NPAT: variants seen among roughly 807,000 people sequenced by gnomAD.
NPAT encodes the protein protein NPAT.
NPAT carries 52 observed loss-of-function variants against 130.7 expected under a neutral mutation model. The observed-to-expected ratio is 0.40, with a 90% CI of 0.32 to 0.50. The LOEUF is 0.50. NPAT is among the 20% of genes least tolerant of loss of function. NPAT has a pLI of 0.68. For missense variants in NPAT, 1,687 were observed against 1,662.6 expected, an observed-to-expected ratio of 1.01 and a Z score of -0.26; for synonymous variants, 580 against 584.8, an observed-to-expected ratio of 0.99 and a Z score of 0.12.
Position 108,172,346 on chromosome 11 carries a change from T to A in NPAT, c.2638A>T (p.Thr880Ser). 1 of 1,614,204 alleles carries A rather than the reference T, an allele frequency of 6.2e-7. No individual in the cohort carries two copies. Among genetic ancestry groups the A allele is most frequent in the Admixed American group, 1.7e-5 (1 of 60,020 alleles). ...TCVTDPTALGTSVSQSNVVVL... is the reference protein window; with the variant it reads ...TCVTDPTALGSSVSQSNVVVL... ...ACTACATTAGACTGACTTACAGATG[T>A]TCCTAACGCTGTTGGATCAGTCACA... The change falls in exon 13 of 18, where the codon ACA (threonine) becomes TCA (serine). Residue 880 changes from threonine to serine, a missense_variant. Around this residue, in one of 3 missense-constraint regions of NPAT, gnomAD observed 1,379 missense variants for 1,346.6 expected, o/e 1.02. Coordinates refer to ENST00000278612, the MANE Select transcript of NPAT (RefSeq NM_002519.3).
At chr11:108,175,462 T>A (rs114590656) in intron 12 of NPAT, among the ~76,000 whole-genome samples, 156 of 152,324 alleles carry the variant, frequency 1.0e-3, no homozygotes, top group African/African-American at 3.5e-3. Flanking sequence ...AGAGGCCACA[T>A]AAATTCAGGA....
intron 15 of NPAT, among the ~76,000 whole-genome samples, chr11:108,166,063 G>T (rs532641451): frequency 1.3e-5 from 2 of 152,006 alleles, no homozygotes; most frequent in African/African-American, 4.8e-5. Context: ...AATTATAGGA[G>T]TGGAGCCATT....
Position 108,161,747 on chromosome 11 carries a change from A to G in NPAT, c.3339T>C (p.Asn1113=). Residue 1113 remains asparagine, a synonymous_variant, in exon 17 of 18, where the codon AAT becomes AAC. Transcript: ENST00000278612. ...GCTTCTCTTTCTCTCTTTTGATAGC[A>G]TTATTAGAAGGGGGTTTTAAGGTGG... ...VSSTLKPPSN[N]AIKREKEKPP... 6.2e-7 allele frequency: 1 copy of G among 1,613,786 alleles called. No homozygotes were observed. Among genetic ancestry groups the G allele is most frequent in the Non-Finnish European group, 8.5e-7 (1 of 1,180,042 alleles).
intron 1 of NPAT, among the ~76,000 whole-genome samples, chr11:108,204,355 TA>T (rs1396960918): frequency 7.0e-6 from 1 of 143,636 alleles, no homozygotes; most frequent in Non-Finnish European, 1.5e-5. Context: ...TCTGAGCCCA[TA>T]AAAACCCTGG....
Position 108,173,027 on chromosome 11 carries a change from C to A in NPAT, c.1957G>T (p.Ala653Ser), listed in dbSNP as rs1344865133. 1.9e-6 allele frequency: 3 copies of A among 1,613,772 alleles called. No individual in the cohort carries two copies. The highest frequency in any genetic ancestry group is 2.5e-6 in the Non-Finnish European group (3 of 1,179,800). Residue 653 changes from alanine (A) to serine (S), a missense_variant, in exon 13 of 18, where the codon GCA (alanine) becomes TCA (serine). Physicochemically the swap from Ala to Ser is moderately conservative, Grantham distance 99. Around this residue, in one of 3 missense-constraint regions of NPAT, gnomAD observed 1,379 missense variants for 1,346.6 expected, o/e 1.02. Coordinates refer to ENST00000278612, the MANE Select transcript of NPAT (RefSeq NM_002519.3). ...ELNHTENEAQ[A>S]SKSENSQEPS... ...TCCTGTGAATTCTCAGACTTGGATG[C>A]CTGAGCTTCATTTTCTGTATGATTT...
In NPAT at chr11:108,161,859, G is replaced by T. The variant is rs574403547; in HGVS notation, c.3227C>A (p.Thr1076Lys). The T allele has an allele frequency of 6.2e-7, 1 of 1,613,938 alleles. No individual in the cohort carries two copies. The highest frequency in any genetic ancestry group is 1.7e-5 in the Admixed American group (1 of 59,994). ...FDSTTAPVAN[T>K]QGPNHKMVSQ... ...CACCATCTTATGGTTTGGCCCCTGCGTATTTGCCACAGGAGCAGTAGTGCT... is the reference window on the plus strand; with the variant it reads ...CACCATCTTATGGTTTGGCCCCTGCTTATTTGCCACAGGAGCAGTAGTGCT... Residue 1076 changes from threonine (T) to lysine (K), a missense_variant, in exon 17 of 18, where the codon ACG (threonine) becomes AAG (lysine). Physicochemically the swap from Thr to Lys is moderately conservative, Grantham distance 78. Around this residue, in one of 3 missense-constraint regions of NPAT, gnomAD observed 1,379 missense variants for 1,346.6 expected, o/e 1.02. Coordinates refer to ENST00000278612, the MANE Select transcript of NPAT (RefSeq NM_002519.3).
intron 15 of NPAT, among the ~76,000 whole-genome samples, chr11:108,167,203 A>G (rs1231252969): frequency 6.6e-6 from 1 of 152,112 alleles, no homozygotes; most frequent in Non-Finnish European, 1.5e-5. Context: ...CTCTCTTCAA[A>G]TCTTTACACC....
At chr11:108,175,078 T>G (rs960242946) in intron 12 of NPAT, among the ~76,000 whole-genome samples, 2 of 152,208 alleles carry the variant, frequency 1.3e-5, no homozygotes, top group Middle Eastern at 3.2e-3. Context: ...CTTTCTGTGG[T>G]TTCAGTTACC....
chr11:108,168,471 A>G (rs538538479), intron 15 of NPAT, among the ~76,000 whole-genome samples: 2 of 152,316 alleles, frequency 1.3e-5, no homozygotes, highest in East Asian at 3.9e-4. Context: ...TTAAGCCTAC[A>G]TCAATAGATG....
At position 108,173,400 on chromosome 11, in the gene NPAT, C is replaced by A; in HGVS notation, c.1584G>T (p.Gly528=). The A allele has an allele frequency of 6.2e-7, 1 of 1,614,032 alleles. No individual in the cohort carries two copies. The highest frequency in any genetic ancestry group is 8.5e-7 in the Non-Finnish European group (1 of 1,179,952). ...EANNENLILS[G]KSSQLLSQDT... is the part of the protein sequence containing the mutation. ...CTTGGGATAAAAGTTGAGAACTCTT[C>A]CCAGAGAGAATTAAGTTTTCATTGT... Residue 528 remains glycine (G), a synonymous_variant, in exon 13 of 18, where the codon GGG becomes GGT. Transcript: ENST00000278612.
intron 11 of NPAT, among the ~76,000 whole-genome samples, 156 bp downstream of exon 11, chr11:108,176,835 AAAC>A (rs1367456493): frequency 1.3e-5 from 2 of 152,252 alleles, no homozygotes; most frequent in Non-Finnish European, 2.9e-5. Context: ...GCTAAAAACA[AAAC>A]AACAAACACT....
At chr11:108,203,856 T>C (rs2078298135) in intron 1 of NPAT, among the ~76,000 whole-genome samples, 1 of 152,256 alleles carries the variant, frequency 6.6e-6, no homozygotes, top group Non-Finnish European at 1.5e-5. Flanking sequence ...CTGTTATCTT[T>C]GGGACTACAT....
chr11:108,222,459 T>C lies in NPAT; in HGVS notation c.37+41A>G, dbSNP rs376250464. On this transcript the variant is annotated intron_variant, in intron 1 of 17. Coordinates refer to ENST00000278612, the MANE Select transcript of NPAT (RefSeq NM_002519.3). ...GCCTCAAAGGTCCTTCTGTCCAGCA[T>C]AGCCGGGTCCAATAACCCTCCATCC... is the stretch of plus-strand genomic sequence containing the variant. The C allele has an allele frequency of 2.4e-5, 38 of 1,610,866 alleles. No homozygotes were observed. The East Asian group carries it at 3.1e-4, about 13-fold the overall frequency.
intron 2 of NPAT, among the ~76,000 whole-genome samples, chr11:108,196,659 T>TTG (rs1285016004): frequency 6.6e-6 from 1 of 152,182 alleles, no homozygotes; most frequent in Non-Finnish European, 1.5e-5. Context: ...TCTAAGCATT[T>TTG]TGTTTGTTTG....
intron 15 of NPAT, among the ~76,000 whole-genome samples, chr11:108,164,840 G>A (rs1490895349): frequency 9.9e-5 from 15 of 151,946 alleles, no homozygotes; most frequent in Non-Finnish European, 1.8e-4. Flanking sequence ...GGAGAACCCC[G>A]TCTCTACTAA....
At chr11:108,212,367 A>G (rs567881501) in intron 1 of NPAT, among the ~76,000 whole-genome samples, 1 of 151,984 alleles carries the variant, frequency 6.6e-6, no homozygotes, top group South Asian at 2.1e-4. Flanking sequence ...TCTACTAAAA[A>G]TACAAAAATT....
Position 108,172,437 on chromosome 11 carries a change from A to T in NPAT, c.2547T>A (p.Tyr849Ter). The T allele has an allele frequency of 6.2e-7, 1 of 1,614,194 alleles. No homozygotes were observed. The highest frequency in any genetic ancestry group is 8.5e-7 in the Non-Finnish European group (1 of 1,180,010). ...TGCTTGTGGCTGGCATCAACTGTAT[A>T]TATCCTCCATCCTTGGAAACACATG... Reference protein sequence around the residue: ...VTPCVSKDGGYIQLMPATSTA... With the variant: ...VTPCVSKDGG Residue 849 changes from tyrosine to a stop codon, truncating the protein, a stop_gained, in exon 13 of 18, where the codon TAT (tyrosine) becomes TAA (stop). Transcript: ENST00000278612. LOFTEE classifies it high-confidence loss of function.
chr11:108,176,219 A>C (rs770113137), intron 12 of NPAT, 27 bp downstream of exon 12: 2 of 1,486,804 alleles, frequency 1.3e-6, no homozygotes, highest in Non-Finnish European at 1.9e-6. Context: ...ATTTGGATTG[A>C]TGATATTAAC....
intron 1 of NPAT, among the ~76,000 whole-genome samples, chr11:108,200,034 G>A (rs771599477): frequency 6.6e-5 from 10 of 152,218 alleles, no homozygotes; most frequent in Non-Finnish European, 1.2e-4. Flanking sequence ...GTTTTTGTCT[G>A]TTCTTAGAAG....
Sources: gnomAD v4.1 joint callset for allele counts (sites outside exome capture counted in the v4.1 genomes callset) on GRCh38, gnomAD v4.1.1 for gene constraint, gnomAD v4.1.1 regional missense constraint, MANE v1.5 for transcripts, NCBI Gene and HGNC (gene_info 2026-07-23, HGNC 2026-07-21) for gene names.